The following ARMC9 variants were observed in gnomAD, a reference collection of about 807,000 sequenced individuals.
ARMC9 encodes armadillo repeat containing 9.
A neutral mutation model predicts 107.0 loss-of-function variants in ARMC9; 94 were observed. The observed-to-expected ratio is 0.88, with a 90% CI of 0.74 to 1.04. The LOEUF is 1.04. Among genes scored for constraint, ARMC9 ranks in the 50% least tolerant of loss-of-function variants. ARMC9 has a pLI of 0.00. For missense variants in ARMC9, 942 were observed against 1,030.1 expected, an observed-to-expected ratio of 0.91 and a Z score of 1.17; for synonymous variants, 380 against 396.9, an observed-to-expected ratio of 0.96 and a Z score of 0.51.
chr2:231,213,132 T>A (rs2033088919), intron 3 of ARMC9, among the ~76,000 whole-genome samples: 2 of 152,066 alleles, frequency 1.3e-5, no homozygotes, highest in Admixed American at 1.3e-4. Flanking sequence ...AAAATGACAA[T>A]TATGCAGGAA....
rs2046028399 is a variant in ARMC9 at position 231,371,738 on chromosome 2, C to T, written c.*203C>T. On this transcript the variant is annotated 3_prime_UTR_variant, in exon 25 of 25. Transcript: ENST00000611582. ...GGGTCACTTTCTCCCAGGGCAGAGC[C>T]ACCAAGGAGGGCTGGGGAGAGCCTG... The T allele has an allele frequency of 4.5e-6, 2 of 447,760 alleles. No individual in the cohort carries two copies. The highest frequency in any genetic ancestry group is 3.5e-5 in the East Asian group (1 of 28,190). 27.7% of individuals were successfully genotyped at this position (447,760 alleles called of 1,614,324 possible).
chr2:231,334,498 C>T (rs1433919121), intron 20 of ARMC9, among the ~76,000 whole-genome samples: 1 of 152,156 alleles, frequency 6.6e-6, no homozygotes, highest in African/African-American at 2.4e-5. Flanking sequence ...ATGAGTTCTT[C>T]CTCTCAAGGG....
chr2:231,369,983 C>T lies in ARMC9; in HGVS notation c.2292C>T (p.Pro764=), dbSNP rs1285612599. ...RECASAFTCK[P]RAPCTPEMLD... is the part of the protein sequence containing the mutation. ...GTGCATCAGCCTTCACCTGCAAGCC[C>T]CGGGCCCCCTGCACTCCAGAGATGC... is the stretch of plus-strand genomic sequence containing the variant. The change falls in exon 24 of 25, where the codon CCC becomes CCT. Residue 764 remains proline, a synonymous_variant. Transcript: ENST00000611582. The T allele has an allele frequency of 6.5e-7, 1 of 1,530,118 alleles. No homozygotes were observed. 94.8% of individuals were successfully genotyped at this position (1,530,118 alleles called of 1,614,324 possible).
rs140857597 is a variant in ARMC9 at position 231,231,753 on chromosome 2, A to G, written c.623-3471A>G. Among the ~76,000 whole-genome samples, 939 of 151,384 alleles carry G rather than the reference A, an allele frequency of 6.2e-3. 15 individuals are homozygous for G. The highest frequency in any genetic ancestry group is 0.022 in the African/African-American group (892 of 41,156). ...GCCCAGCATGGAGTGCAGTGGCGTGATCTTGGCTCACTGCAACCTCCTGCT... is the reference window on the plus strand; with the variant it reads ...GCCCAGCATGGAGTGCAGTGGCGTGGTCTTGGCTCACTGCAACCTCCTGCT... On this transcript the variant is annotated intron_variant, in intron 7 of 24. Transcript: ENST00000611582.
At chr2:231,286,636 A>G (rs2040608593) in intron 17 of ARMC9, among the ~76,000 whole-genome samples, 1 of 152,230 alleles carries the variant, frequency 6.6e-6, no homozygotes, top group Admixed American at 6.5e-5. Context: ...ATTGCTAATG[A>G]AATTATGATT....
intron 6 of ARMC9, among the ~76,000 whole-genome samples, chr2:231,225,157 C>T (rs2034520287): frequency 2.0e-5 from 3 of 152,212 alleles, no homozygotes; most frequent in Non-Finnish European, 4.4e-5. Context: ...TACAGACATA[C>T]ACCCAAATTG....
At chr2:231,256,267 C>T in intron 9 of ARMC9, 2 of 1,552,168 alleles carry the variant, frequency 1.3e-6, no homozygotes, top group Non-Finnish European at 1.7e-6. Context: ...ACGTGCTCAC[C>T]CTTTTGGAGT....
intron 13 of ARMC9, among the ~76,000 whole-genome samples, chr2:231,272,297 A>G (rs76120694): frequency 0.018 from 2,710 of 147,962 alleles, 35 homozygotes; most frequent in Non-Finnish European, 0.026. Flanking sequence ...CTCAAGGAAT[A>G]CTCCTCGCGC....
chr2:231,210,649 G>A (rs1238622237), intron 3 of ARMC9, among the ~76,000 whole-genome samples: 1 of 152,204 alleles, frequency 6.6e-6, no homozygotes, highest in Admixed American at 6.5e-5. Flanking sequence ...TTGCATATCG[G>A]TCCCTCCAGA....
chr2:231,374,457 T>C lies in ARMC9; in HGVS notation c.*2922T>C, dbSNP rs2046134602. On this transcript the variant is annotated 3_prime_UTR_variant, in exon 25 of 25. Transcript: ENST00000611582. ...TTAGGACCTGTGGTGGGGACTTTAA[T>C]AGGCAGGTGGAGGTTTGAGATCCAG... 1 of 151,910 alleles carries C rather than the reference T, an allele frequency of 6.6e-6. No individual in the cohort carries two copies. The highest frequency in any genetic ancestry group is 2.4e-5 in the African/African-American group (1 of 41,342). 9.4% of individuals were successfully genotyped at this position (151,910 alleles called of 1,614,324 possible).
chr2:231,344,018 T>C (rs2044672189), intron 20 of ARMC9, among the ~76,000 whole-genome samples: 1 of 152,214 alleles, frequency 6.6e-6, no homozygotes, highest in Non-Finnish European at 1.5e-5. Context: ...CTATATGATA[T>C]ATATATCAAG....
intron 9 of ARMC9, among the ~76,000 whole-genome samples, chr2:231,249,719 AGTT>A (rs1208270654): frequency 6.6e-6 from 1 of 152,146 alleles, no homozygotes; most frequent in Non-Finnish European, 1.5e-5. Context: ...TTACTACATT[AGTT>A]GTTCCACTGT....
intron 19 of ARMC9, among the ~76,000 whole-genome samples, chr2:231,310,754 A>G (rs936561460): frequency 3.3e-5 from 5 of 152,114 alleles, no homozygotes; most frequent in Admixed American, 6.5e-5. Flanking sequence ...TAAAAAAAAA[A>G]AAGGTAAGCT....
chr2:231,280,556 C>T (rs1020377245), intron 16 of ARMC9, among the ~76,000 whole-genome samples: 4 of 151,708 alleles, frequency 2.6e-5, no homozygotes, highest in African/African-American at 9.7e-5. Flanking sequence ...TACTTTAGAG[C>T]CAAGTAATAT....
chr2:231,345,051 G>T lies in ARMC9; in HGVS notation c.1955G>T (p.Arg652Met). Residue 652 changes from arginine to methionine, a missense_variant, in exon 21 of 25, where the codon AGG (arginine) becomes ATG (methionine). Arg to Met is a moderately conservative substitution (Grantham distance 91). Coordinates refer to ENST00000611582, the MANE Select transcript of ARMC9 (RefSeq NM_001352754.2). ...VQWSGDEPLQ[R>M]PVTPGGHRNG... ...TGGAGCGGGGATGAGCCCCTGCAAAGGCCCGTCACCCCCGGCGGCCACAGA... is the reference window on the plus strand; with the variant it reads ...TGGAGCGGGGATGAGCCCCTGCAAATGCCCGTCACCCCCGGCGGCCACAGA... 1.2e-6 allele frequency: 2 copies of T among 1,613,908 alleles called. No individual in the cohort carries two copies. Among genetic ancestry groups the T allele is most frequent in the Non-Finnish European group, 1.7e-6 (2 of 1,179,980 alleles).
chr2:231,303,893 G>A (rs141925953), intron 19 of ARMC9, among the ~76,000 whole-genome samples: 10 of 152,170 alleles, frequency 6.6e-5, no homozygotes, highest in East Asian at 1.9e-4. Context: ...CCGAGATTGC[G>A]CTACTGCACT....
chr2:231,368,294 G>T (rs890446551), intron 23 of ARMC9, among the ~76,000 whole-genome samples: 3 of 152,108 alleles, frequency 2.0e-5, no homozygotes, highest in Admixed American at 2.0e-4. Context: ...ATAGCCCCGC[G>T]TATCTGTGAA....
chr2:231,332,006 C>T (rs1045998445), intron 20 of ARMC9, 109 bp downstream of exon 20: 1 of 929,474 alleles, frequency 1.1e-6, no homozygotes, highest in African/African-American at 1.6e-5. Context: ...TGTTACCATA[C>T]TGTATTTATG....
At position 231,355,877 on chromosome 2, in the gene ARMC9, G is replaced by A. The variant is rs749968058; in HGVS notation, c.2074G>A (p.Glu692Lys). Residue 692 changes from glutamate to lysine, a missense_variant, in exon 22 of 25, where the codon GAG becomes AAG. Coordinates refer to ENST00000611582, the MANE Select transcript of ARMC9 (RefSeq NM_001352754.2). ...CCCGCAGGCCCTGCCAGCCGCTCAC[G>A]AGGCTGTCTACAGGGAGGGCAAGCC... ...GHPQALPAAHEAVYREGKPST... is the reference protein window; with the variant it reads ...GHPQALPAAHKAVYREGKPST... 5.9e-5 allele frequency: 90 copies of A among 1,535,960 alleles called. No individual in the cohort carries two copies. In the Middle Eastern group the frequency reaches 6.7e-4, roughly 11 times the overall value.
Sources: allele counts gnomAD v4.1 joint callset (sites outside exome capture counted in the v4.1 genomes callset), GRCh38; gene constraint gnomAD v4.1.1; transcripts MANE v1.5; gene names NCBI Gene and HGNC (gene_info 2026-07-23, HGNC 2026-07-21).